GC: variants seen among roughly 807,000 people sequenced by gnomAD.
The protein encoded by GC is vitamin D-binding protein.
A neutral mutation model predicts 56.7 loss-of-function variants in GC; 43 were observed. The ratio of observed to expected loss-of-function variants is 0.76; its 90% CI spans 0.59 to 0.98. GC has a LOEUF of 0.98. GC is among the 50% of genes least tolerant of loss of function. The pLI, the probability that GC is intolerant of heterozygous loss-of-function variation, is 0.00. For synonymous variants in GC, 216 were observed against 202.7 expected (o/e 1.07, Z -0.56); for missense variants, 529 against 545.9 (o/e 0.97, Z 0.31).
chr4:71,754,307 G>T, intron 10 of GC, 104 bp downstream of exon 10: 1 of 632,000 alleles, frequency 1.6e-6, no homozygotes, highest in South Asian at 2.0e-5. Context: ...TTTTGTTGTT[G>T]TTCACTGAAG....
intron 6 of GC, among the ~76,000 whole-genome samples, chr4:71,761,637 G>T (rs1480073490): frequency 1.3e-5 from 2 of 152,166 alleles, no homozygotes; most frequent in Admixed American, 6.5e-5. Flanking sequence ...GGAAAAAGTG[G>T]TTTCTTGGAC....
chr4:71,793,927 T>C (rs1380894268), intron 1 of GC, among the ~76,000 whole-genome samples: 1 of 152,212 alleles, frequency 6.6e-6, no homozygotes, highest in Non-Finnish European at 1.5e-5. Context: ...GTGGTCTTTG[T>C]TGTTGGATCT....
chr4:71,774,521 C>T (rs1223805789), intron 1 of GC, among the ~76,000 whole-genome samples: 1 of 151,890 alleles, frequency 6.6e-6, no homozygotes, highest in Non-Finnish European at 1.5e-5. Context: ...GGAGGTTTGC[C>T]TCTTCCACTT....
upstream of GC, among the ~76,000 whole-genome samples, chr4:71,805,108 G>T (rs1402265657): frequency 6.6e-6 from 1 of 152,082 alleles, no homozygotes; most frequent in Non-Finnish European, 1.5e-5. Context: ...TCTAGGTCTA[G>T]CATGCCTTCT....
At chr4:71,742,981 G>T (rs1277977427) in intron 12 of GC, among the ~76,000 whole-genome samples, 3 of 152,088 alleles carry the variant, frequency 2.0e-5, no homozygotes, top group Non-Finnish European at 4.4e-5. Context: ...CTTGGTGTGG[G>T]CAGGGTGGGG....
rs757202868 is a variant in GC, at chr4:71,765,634, G to A, written c.271C>T (p.Leu91=). Residue 91 remains leucine (L), a synonymous_variant, in exon 4 of 13, where the codon CTG becomes TTG. Coordinates refer to ENST00000273951, the MANE Select transcript of GC (RefSeq NM_000583.4). ...TTACTTTCACAGGACTTGGCAGACA[G>A]TGCTGAGGTCTGGAGGAGAAGGAAA... The part of the protein sequence containing the change: ...PDCYDTRTSA[L]SAKSCESNSP... 1 of 1,609,782 alleles carries A rather than the reference G, an allele frequency of 6.2e-7. No homozygotes were observed.
At chr4:71,801,888 T>C (rs971538150) in intron 1 of GC, among the ~76,000 whole-genome samples, 1 of 131,414 alleles carries the variant, frequency 7.6e-6, no homozygotes, top group Non-Finnish European at 1.5e-5. Flanking sequence ...TGTTTCTTTC[T>C]TCTTTTTTTT....
chr4:71,750,458 C>T (rs187192235), intron 11 of GC, among the ~76,000 whole-genome samples: 5 of 152,264 alleles, frequency 3.3e-5, no homozygotes, highest in South Asian at 4.2e-4. Context: ...TTTATACTTT[C>T]GTGACTTGCT....
rs190119048 is a variant in GC at position 71,777,407 on chromosome 4, G to A, written c.58+6554C>T. On this transcript the variant is annotated intron_variant, in intron 1 of 12. Coordinates refer to ENST00000273951, the MANE Select transcript of GC (RefSeq NM_000583.4). ...TTTTAAACAAATAAATTAATAATGA[G>A]CTTTGCAGTATCATGTAGATGGAAA... Among the ~76,000 whole-genome samples, 279 of 151,246 alleles carry A rather than the reference G, an allele frequency of 1.8e-3. 1 individual carries two copies. Among genetic ancestry groups the A allele is most frequent in the African/African-American group, 5.9e-3 (245 of 41,250 alleles).
chr4:71,769,131 C>T (rs146078142), intron 2 of GC, among the ~76,000 whole-genome samples, 200 bp downstream of exon 2: 1 of 152,164 alleles, frequency 6.6e-6, no homozygotes, highest in Non-Finnish European at 1.5e-5. Context: ...AATTCTTAGA[C>T]TGTGGTAATC....
At chr4:71,746,086 T>C (rs1741352964) in intron 12 of GC, 65 bp downstream of exon 12, 1 of 728,326 alleles carries the variant, frequency 1.4e-6, no homozygotes, top group Admixed American at 2.2e-5. Context: ...TTCCCATTCT[T>C]TGATATTTAA....
At chr4:71,799,009 A>G (rs1251931893) in intron 1 of GC, among the ~76,000 whole-genome samples, 3 of 152,216 alleles carry the variant, frequency 2.0e-5, no homozygotes, top group African/African-American at 7.2e-5. Context: ...GGGAATCATT[A>G]CTATGTCTAA....
chr4:71,797,084 G>T (rs766779165), intron 1 of GC, among the ~76,000 whole-genome samples: 1 of 152,218 alleles, frequency 6.6e-6, no homozygotes, highest in African/African-American at 2.4e-5. Flanking sequence ...GCACCTGCCT[G>T]TATGAGATGT....
rs111419562 is a variant in GC, at chr4:71,796,595, T to C, written c.21+7331A>G. On this transcript the variant is annotated intron_variant, in intron 1 of 13. Coordinates refer to the GC transcript ENST00000504199. ...TTTTTCAAGGTTTTGAGCTTCCTTG[T>C]GATGGGTTAGAACATGCTCCTTTAG... is the stretch of plus-strand genomic sequence containing the variant. 1.7e-4 allele frequency among the ~76,000 whole-genome samples: 26 copies of C among 152,324 alleles called. 2 individuals are homozygous for C. Among genetic ancestry groups the C allele is most frequent in the African/African-American group, 6.3e-4 (26 of 41,572 alleles).
chr4:71,768,235 G>C (rs971701997), intron 3 of GC, 66 bp downstream of exon 3: 25 of 1,398,392 alleles, frequency 1.8e-5, no homozygotes, highest in Non-Finnish European at 1.6e-5. Flanking sequence ...TCAACACGTG[G>C]TATAAAGGCC....
chr4:71,751,690 G>T (rs138524917), intron 11 of GC, among the ~76,000 whole-genome samples: 1 of 152,052 alleles, frequency 6.6e-6, no homozygotes, highest in African/African-American at 2.4e-5. Context: ...ACAGGGAGGA[G>T]GGGAAGGGAC....
intron 1 of GC, among the ~76,000 whole-genome samples, chr4:71,789,110 G>C (rs927124282): frequency 1.3e-5 from 2 of 151,734 alleles, no homozygotes; most frequent in Non-Finnish European, 2.9e-5. Flanking sequence ...TATGTATAGA[G>C]AGAAAGAGAA....
At chr4:71,801,415 G>A (rs371352269) in intron 1 of GC, among the ~76,000 whole-genome samples, 3 of 152,064 alleles carry the variant, frequency 2.0e-5, no homozygotes, top group Non-Finnish European at 2.9e-5. Flanking sequence ...TTTTGCTGCC[G>A]TAGACTCCTC....
intron 1 of GC, among the ~76,000 whole-genome samples, chr4:71,783,711 A>G (rs1742758159): frequency 6.6e-6 from 1 of 151,736 alleles, no homozygotes; most frequent in East Asian, 1.9e-4. Context: ...GGAGGAAGAG[A>G]TAATTGACAA....
Sources: allele counts gnomAD v4.1 joint callset (sites outside exome capture counted in the v4.1 genomes callset), GRCh38; gene constraint gnomAD v4.1.1; transcripts MANE v1.5; gene names NCBI Gene and HGNC (gene_info 2026-07-23, HGNC 2026-07-21).